NAALAD2: variants seen among roughly 807,000 people sequenced by gnomAD.
NAALAD2 encodes N-acetylated alpha-linked acidic dipeptidase 2.
Under a neutral mutation model 95.6 loss-of-function variants are expected in NAALAD2, and 89 were observed. The ratio of observed to expected loss-of-function variants is 0.93; its 90% CI spans 0.78 to 1.11. The LOEUF (loss-of-function observed/expected upper bound fraction) is 1.11, where lower values mean the gene tolerates loss of function less well. Among genes scored for constraint, NAALAD2 ranks in the 50% least tolerant of loss-of-function variants. The probability of loss-of-function intolerance (pLI) is 0.00; values close to 1 mark genes in which losing one functional copy is unlikely to be tolerated. For synonymous variants in NAALAD2, 264 were observed against 294.4 expected (o/e 0.90, Z 1.06); for missense variants, 894 against 872.4 (o/e 1.02, Z -0.31).
intron 11 of NAALAD2, chr11:90,163,924 TTGA>T (rs1952368011): frequency 4.4e-6 from 2 of 458,580 alleles, no homozygotes; most frequent in African/African-American, 2.0e-5. Context: ...TGAGATATTT[TTGA>T]TGATAATTTA....
At chr11:90,131,978 T>G (rs1590944369), upstream of NAALAD2, 1 of 152,364 alleles carries the variant, frequency 6.6e-6, no homozygotes, top group East Asian at 1.9e-4. Context: ...TGTTGCTTTG[T>G]TAAGTGTGCT....
chr11:90,185,204 AG>A (rs994964108), intron 18 of NAALAD2, among the ~76,000 whole-genome samples: 9 of 151,546 alleles, frequency 5.9e-5, no homozygotes, highest in African/African-American at 2.2e-4. Flanking sequence ...TTTCCATAAA[AG>A]TGTACACACA....
intron 5 of NAALAD2, among the ~76,000 whole-genome samples, chr11:90,151,239 G>A (rs1398106847): frequency 1.3e-5 from 2 of 152,186 alleles, no homozygotes; most frequent in East Asian, 1.9e-4. Flanking sequence ...TGCGAATGAC[G>A]AGGGCACCAA....
At chr11:90,143,197 A>C (rs1475633598) in intron 2 of NAALAD2, among the ~76,000 whole-genome samples, 4 of 152,062 alleles carry the variant, frequency 2.6e-5, no homozygotes, top group Non-Finnish European at 5.9e-5. Context: ...TTTGTTTCTG[A>C]AGATTTAGGT....
chr11:90,163,109 C>T lies in NAALAD2; in HGVS notation c.1075+75C>T. 5 of 1,253,580 alleles carry T rather than the reference C, an allele frequency of 4.0e-6. No individual in the cohort carries two copies. The South Asian group carries it at 6.0e-5, about 15-fold the overall frequency. 77.7% of individuals were successfully genotyped at this position (1,253,580 alleles called of 1,614,324 possible). A position where few individuals can be genotyped will look rare whatever the true frequency, so the allele number is the denominator to read the frequency against. On this transcript the variant is annotated intron_variant, in intron 9 of 18. Transcript: ENST00000534061. ...GTAAGTAAAGATAAATTGTAGTCAA[C>T]AATTGAAGTGGGGTTTTTTGGCTGA... is the stretch of plus-strand genomic sequence containing the variant.
intron 18 of NAALAD2, among the ~76,000 whole-genome samples, chr11:90,188,228 TAAG>T (rs1473319256): frequency 6.6e-6 from 1 of 152,194 alleles, no homozygotes; most frequent in African/African-American, 2.4e-5. Context: ...TTAAAATATT[TAAG>T]GAGGCAGCTT....
intron 11 of NAALAD2, among the ~76,000 whole-genome samples, chr11:90,165,998 C>G (rs968908599): frequency 6.6e-6 from 1 of 152,168 alleles, no homozygotes; most frequent in Non-Finnish European, 1.5e-5. Flanking sequence ...CAGTAGCATG[C>G]TTACCTTCTT....
In NAALAD2 at chr11:90,138,725, C is replaced by CTTTTTTTTTTTTTTTTTTTTTTTTTT. The variant is rs562496549; in HGVS notation, c.194+3064_194+3089dup. On this transcript the variant is annotated intron_variant, in intron 2 of 18. Transcript: ENST00000534061. ...TATCATGAAACCCTTCATCCCTCAA[C>CTTTTTTTTTTTTTTTTTTTTTTTTTT]TTTTTTTTTTTTTTTTTTTTTTTTT... Among the ~76,000 whole-genome samples the CTTTTTTTTTTTTTTTTTTTTTTTTTT allele has an allele frequency of 3.3e-5, 2 of 61,530 alleles. 1 individual carries two copies. The highest frequency in any genetic ancestry group is 6.4e-5 in the Non-Finnish European group (2 of 31,328). The allele number at this position is 61,530 out of a possible 152,430, so 40.4% of individuals were successfully genotyped here.
Position 90,147,491 on chromosome 11 carries a change from C to T in NAALAD2, c.356C>T (p.Ser119Leu), listed in dbSNP as rs760348318. 23 of 1,608,764 alleles carry T rather than the reference C, an allele frequency of 1.4e-5. No individual in the cohort carries two copies. In the East Asian group the frequency reaches 1.6e-4, roughly 11 times the overall value. ...YPNETNANYI[S>L]IVDEHETEIF... is the part of the protein sequence containing the mutation. ...AATGAGACAAATGCCAACTATATATCGATTGTGGATGAACATGAAACTGAG... is the reference window on the plus strand; with the variant it reads ...AATGAGACAAATGCCAACTATATATTGATTGTGGATGAACATGAAACTGAG... Residue 119 changes from serine to leucine, a missense_variant, in exon 3 of 19, where the codon TCG becomes TTG. Ser to Leu is a moderately radical substitution (Grantham distance 145). Coordinates refer to ENST00000534061, the MANE Select transcript of NAALAD2 (RefSeq NM_005467.4).
intron 2 of NAALAD2, among the ~76,000 whole-genome samples, chr11:90,143,808 G>A (rs1439316866): frequency 1.3e-5 from 2 of 152,102 alleles, no homozygotes; most frequent in African/African-American, 4.8e-5. Flanking sequence ...TTTCAATTTA[G>A]TAATATGTTT....
In NAALAD2 at chr11:90,134,832, T is replaced by G; in HGVS notation, c.74T>G (p.Phe25Cys). ...GCGCTGGCATCTTTCCTGATGGGAT[T>G]TATGGTGGGTAAGTGAACAAAACAC... ...AAALASFLMGFMVGWFIKPLK... is the reference protein window; with the variant it reads ...AAALASFLMGCMVGWFIKPLK... Residue 25 changes from phenylalanine (F) to cysteine (C), a missense_variant, in exon 1 of 19, where the codon TTT becomes TGT. Transcript: ENST00000534061. 1 of 1,614,068 alleles carries G rather than the reference T, an allele frequency of 6.2e-7. No homozygotes were observed. Among genetic ancestry groups the G allele is most frequent in the Non-Finnish European group, 8.5e-7 (1 of 1,179,994 alleles).
intron 2 of NAALAD2, among the ~76,000 whole-genome samples, chr11:90,138,615 C>T (rs1482644580): frequency 6.6e-6 from 1 of 150,862 alleles, no homozygotes; most frequent in African/African-American, 2.4e-5. Context: ...TCACCTGGTA[C>T]TGGTTTAGAA....
chr11:90,134,278 A>G (rs2134806799), upstream of NAALAD2, among the ~76,000 whole-genome samples: 1 of 152,316 alleles, frequency 6.6e-6, no homozygotes, highest in African/African-American at 2.4e-5. Flanking sequence ...AACAGCTTTA[A>G]CAGCGGAGCA....
At chr11:90,148,390 C>G (rs1356906050) in intron 3 of NAALAD2, among the ~76,000 whole-genome samples, 2 of 152,052 alleles carry the variant, frequency 1.3e-5, no homozygotes, top group Non-Finnish European at 2.9e-5. Context: ...GACTCCGAGA[C>G]TGTCTGGTGT....
upstream of NAALAD2, among the ~76,000 whole-genome samples, chr11:90,132,964 A>C (rs565227516): frequency 6.6e-6 from 1 of 152,336 alleles, no homozygotes; most frequent in South Asian, 2.1e-4. Context: ...TTCATTAAGG[A>C]GGTTTGCTTC....
chr11:90,164,870 T>C (rs1218824378), intron 11 of NAALAD2, among the ~76,000 whole-genome samples: 1 of 152,160 alleles, frequency 6.6e-6, no homozygotes, highest in Non-Finnish European at 1.5e-5. Flanking sequence ...TTTGAGACTC[T>C]ATGAAACTAA....
At position 90,163,381 on chromosome 11, in the gene NAALAD2, G is replaced by C. The variant is rs142435532; in HGVS notation, c.1147G>C (p.Ala383Pro). 16 of 1,613,960 alleles carry C rather than the reference G, an allele frequency of 9.9e-6. No homozygotes were observed. The African/African-American group carries it at 1.1e-4, about 11-fold the overall frequency. ...AGCTATTGACCCAACCAGTGGGGTT[G>C]CTGTTTTGCAAGAAATTGCCCGGAG... The part of the protein sequence containing the change: ...FGAIDPTSGV[A>P]VLQEIARSFG... The change falls in exon 10 of 19, where the codon GCT becomes CCT. Residue 383 changes from alanine (A) to proline (P), a missense_variant. Coordinates refer to ENST00000534061, the MANE Select transcript of NAALAD2 (RefSeq NM_005467.4).
At chr11:90,155,397 A>ATT (rs1952048899) in intron 6 of NAALAD2, among the ~76,000 whole-genome samples, 5 of 78,086 alleles carry the variant, frequency 6.4e-5, no homozygotes, top group South Asian at 3.6e-4. Flanking sequence ...TGTAATATAT[A>ATT]ATATATATAA....
chr11:90,152,632 A>T lies in NAALAD2; in HGVS notation c.796+148A>T, dbSNP rs16916533. Reference sequence around the variant, plus strand: ...GGATTACTGCTGCTAGGAATTTTAAAACATTTGCTCTTGTATTATTTTAGT... The same window carrying T: ...GGATTACTGCTGCTAGGAATTTTAATACATTTGCTCTTGTATTATTTTAGT... On this transcript the variant is annotated intron_variant, in intron 6 of 18. Coordinates refer to ENST00000534061, the MANE Select transcript of NAALAD2 (RefSeq NM_005467.4). The T allele has an allele frequency of 4.9e-3, 2,818 of 575,548 alleles. 60 individuals carry two copies. The highest frequency in any genetic ancestry group is 0.048 in the African/African-American group (2,532 of 53,302). The allele number at this position is 575,548 out of a possible 1,614,324, so 35.7% of individuals were successfully genotyped here. A position where few individuals can be genotyped will look rare whatever the true frequency, so the allele number is the denominator to read the frequency against.
Sources: allele counts gnomAD v4.1 joint callset (sites outside exome capture counted in the v4.1 genomes callset), GRCh38; gene constraint gnomAD v4.1.1; transcripts MANE v1.5; gene names NCBI Gene and HGNC (gene_info 2026-07-23, HGNC 2026-07-21).